Variants in PPP4R1 observed in about 807,000 individuals in gnomAD.
PPP4R1 encodes the protein serine/threonine-protein phosphatase 4 regulatory subunit 1.
In PPP4R1, 42 loss-of-function variants were observed where a neutral mutation model predicts 111.2. The observed-to-expected ratio is 0.38, with a 90% CI of 0.29 to 0.49. The LOEUF is 0.49. Among genes scored for constraint, PPP4R1 ranks in the 20% least tolerant of loss-of-function variants. The probability of loss-of-function intolerance (pLI) is 0.97; values close to 1 mark genes in which losing one functional copy is unlikely to be tolerated. For missense variants in PPP4R1, 1,012 were observed against 1,161.6 expected (o/e 0.87, Z 1.87); for synonymous variants, 409 against 405.5 (o/e 1.01, Z -0.10).
intron 16 of PPP4R1, chr18:9,550,676 T>C: frequency 2.8e-6 from 1 of 351,744 alleles, no homozygotes; most frequent in Non-Finnish European, 5.2e-6. Flanking sequence ...AAGCACTTCC[T>C]AGTATGTTCA....
Position 9,614,531 on chromosome 18 carries a change from C to T in PPP4R1, c.-47G>A. 9.9e-7 allele frequency: 1 copy of T among 1,007,912 alleles called. No homozygotes were observed. Among genetic ancestry groups the T allele is most frequent in the Non-Finnish European group, 1.2e-6 (1 of 845,956 alleles). 62.4% of individuals were successfully genotyped at this position (1,007,912 alleles called of 1,614,324 possible). On this transcript the variant is annotated 5_prime_UTR_variant, in exon 1 of 20. The change abolishes an upstream ATG in the 5' untranslated region. Coordinates refer to ENST00000400556, the MANE Select transcript of PPP4R1 (RefSeq NM_001042388.3). The surrounding 1 kb of genome is among the most constrained non-coding windows in gnomAD (Gnocchi z 4.1). ...GCGGCCGCCCGGGGAGCCGGGGCTACATGGAGCGGCGCGAGCCGGGGAGCC... is the reference window on the plus strand; with the variant it reads ...GCGGCCGCCCGGGGAGCCGGGGCTATATGGAGCGGCGCGAGCCGGGGAGCC...
At chr18:9,596,350 A>T (rs1364889876) in intron 2 of PPP4R1, among the ~76,000 whole-genome samples, 1 of 152,158 alleles carries the variant, frequency 6.6e-6, no homozygotes, top group Non-Finnish European at 1.5e-5. Flanking sequence ...TTTTATTATT[A>T]TTTCCTGGCA....
In PPP4R1 at chr18:9,593,919, G is replaced by C. The variant is rs553477109; in HGVS notation, c.189-45C>G. ...TTATGTATGTTCAATGGCATCAATA[G>C]CTAATATCCAGAATTTTAATTTTTT... On this transcript the variant is annotated intron_variant, in intron 3 of 19. Transcript: ENST00000400556. The C allele has an allele frequency of 1.3e-5, 19 of 1,461,880 alleles. No individual in the cohort carries two copies. The South Asian group carries it at 2.1e-4, about 16-fold the overall frequency. The allele number at this position is 1,461,880 out of a possible 1,614,324, so 90.6% of individuals were successfully genotyped here. A position where few individuals can be genotyped will look rare whatever the true frequency, so the allele number is the denominator to read the frequency against.
intron 4 of PPP4R1, among the ~76,000 whole-genome samples, chr18:9,591,754 A>G (rs2067215095): frequency 6.6e-6 from 1 of 151,982 alleles, no homozygotes; most frequent in Admixed American, 6.6e-5. Flanking sequence ...TTCAATTTCT[A>G]TCCAACAATT....
intron 8 of PPP4R1, 117 bp from the exon 9 acceptor site, chr18:9,583,392 A>C (rs1568111080): frequency 9.3e-7 from 1 of 1,081,030 alleles, no homozygotes; most frequent in African/African-American, 1.6e-5. Context: ...TTTGAGACAG[A>C]GTCTCACTCT....
intron 2 of PPP4R1, among the ~76,000 whole-genome samples, chr18:9,603,133 G>A (rs918793957): frequency 1.7e-5 from 2 of 121,066 alleles, no homozygotes; most frequent in Non-Finnish European, 3.4e-5. Flanking sequence ...AGTAAGTAGG[G>A]AAACCATGTG....
At chr18:9,575,746 A>G (rs1182029558) in intron 10 of PPP4R1, among the ~76,000 whole-genome samples, 1 of 152,188 alleles carries the variant, frequency 6.6e-6, no homozygotes, top group African/African-American at 2.4e-5. Flanking sequence ...CCATTTATGT[A>G]ATGTCTACGG....
At chr18:9,573,308 T>TA (rs2066889420) in intron 10 of PPP4R1, among the ~76,000 whole-genome samples, 1 of 152,204 alleles carries the variant, frequency 6.6e-6, no homozygotes, top group Non-Finnish European at 1.5e-5. Flanking sequence ...ATCTGTGTTT[T>TA]AAAGAAATAC....
At chr18:9,569,297 A>G (rs1486045904) in intron 11 of PPP4R1, among the ~76,000 whole-genome samples, 1 of 152,228 alleles carries the variant, frequency 6.6e-6, no homozygotes, top group Non-Finnish European at 1.5e-5. Context: ...TGGAAGCTGT[A>G]AAGACGTTAA....
At chr18:9,571,147 G>A (rs1459110788) in intron 10 of PPP4R1, among the ~76,000 whole-genome samples, 2 of 151,936 alleles carry the variant, frequency 1.3e-5, no homozygotes, top group East Asian at 3.8e-4. Flanking sequence ...CATTACACAA[G>A]GAAAATAAAA....
intron 10 of PPP4R1, among the ~76,000 whole-genome samples, chr18:9,573,777 G>A (rs1017901207): frequency 6.6e-6 from 1 of 152,114 alleles, no homozygotes; most frequent in Non-Finnish European, 1.5e-5. Flanking sequence ...TCACCTTGGT[G>A]TTAAAATTAA....
intron 5 of PPP4R1, 24 bp downstream of exon 5, chr18:9,588,687 A>C (rs2067161231): frequency 1.3e-6 from 2 of 1,572,222 alleles, no homozygotes; most frequent in African/African-American, 2.7e-5. Context: ...ATTTCTTTTA[A>C]GAACATATAA....
chr18:9,583,511 C>T (rs960124915), intron 8 of PPP4R1, among the ~76,000 whole-genome samples: 5 of 152,188 alleles, frequency 3.3e-5, no homozygotes, highest in South Asian at 4.1e-4. Flanking sequence ...GGATTACAGA[C>T]GTGTGCCACC....
At position 9,553,194 on chromosome 18, in the gene PPP4R1, C is replaced by T. The variant is rs528867493; in HGVS notation, c.2291+128G>A. ...ACAGTAAGACACATATTACAGGAAG[C>T]GTTAAAGGGCTAGAATACCACATAG... On this transcript the variant is annotated intron_variant, in intron 16 of 19. Coordinates refer to ENST00000400556, the MANE Select transcript of PPP4R1 (RefSeq NM_001042388.3). The T allele has an allele frequency of 7.5e-5, 51 of 680,320 alleles. 1 individual carries two copies. In the South Asian group the frequency reaches 8.6e-4, roughly 11 times the overall value. The allele number at this position is 680,320 out of a possible 1,614,324, so 42.1% of individuals were successfully genotyped here.
At chr18:9,570,707 A>G (rs2066848914) in intron 10 of PPP4R1, 24 bp from the exon 11 acceptor site, 1 of 1,504,174 alleles carries the variant, frequency 6.6e-7, no homozygotes. Flanking sequence ...ATTTGGTGGG[A>G]AAAAAACAAT....
rs2145205754 is a variant in PPP4R1 at position 9,586,537 on chromosome 18, A to G, written c.585+1552T>C. On this transcript the variant is annotated intron_variant, in intron 6 of 19. Coordinates refer to ENST00000400556, the MANE Select transcript of PPP4R1 (RefSeq NM_001042388.3). ...TGTCATGTAAGGTTCACTTCAGTAA[A>G]AACATTACTGAAAAAGTAAATTTAT... 2.0e-5 allele frequency among the ~76,000 whole-genome samples: 3 copies of G among 152,254 alleles called. No individual in the cohort carries two copies. The South Asian group carries it at 6.2e-4, about 32-fold the overall frequency.
At chr18:9,557,474 T>C in intron 14 of PPP4R1, 92 bp from the exon 15 acceptor site, 1 of 1,159,862 alleles carries the variant, frequency 8.6e-7, no homozygotes, top group African/African-American at 1.6e-5. Context: ...TATATATGAA[T>C]GTTACTAACC....
Position 9,593,792 on chromosome 18 carries a change from T to A in PPP4R1, c.271A>T (p.Ile91Phe). The A allele has an allele frequency of 6.2e-7, 1 of 1,613,846 alleles. No homozygotes were observed. The highest frequency in any genetic ancestry group is 8.5e-7 in the Non-Finnish European group (1 of 1,179,826). Residue 91 changes from isoleucine to phenylalanine, a missense_variant, in exon 4 of 20, where the codon ATT becomes TTT. This residue lies in a region of PPP4R1 where 707 missense variants were observed against 742.1 expected (regional missense o/e 0.95). Transcript: ENST00000400556. The part of the protein sequence containing the change: ...ERDCIAVLER[I>F]SRLADDSEPT... Reference sequence around the variant, plus strand: ...CCTGAATCATCGGCCAATCTGCTAATTCTTTCCAAAACAGCAATACAATCT... The same window carrying A: ...CCTGAATCATCGGCCAATCTGCTAAATCTTTCCAAAACAGCAATACAATCT...
chr18:9,559,768 A>ACTC (rs2066643596), intron 13 of PPP4R1, among the ~76,000 whole-genome samples, 164 bp from the exon 14 acceptor site: 1 of 152,230 alleles, frequency 6.6e-6, no homozygotes, highest in African/African-American at 2.4e-5. Context: ...AATAACTAAG[A>ACTC]GATACGAAAA....
Sources: allele counts gnomAD v4.1 joint callset (sites outside exome capture counted in the v4.1 genomes callset), GRCh38; gene constraint gnomAD v4.1.1; regional missense constraint gnomAD v4.1.1; non-coding constraint Gnocchi (gnomAD v3.1); transcripts MANE v1.5; gene names NCBI Gene and HGNC (gene_info 2026-07-23, HGNC 2026-07-21).